The following KIAA0825 variants were observed in gnomAD, a reference collection of about 807,000 sequenced individuals.
KIAA0825 encodes the protein uncharacterized protein KIAA0825.
KIAA0825 carries 119 observed loss-of-function variants against 147.6 expected under a neutral mutation model. That is an observed-to-expected ratio of 0.81 (90% CI 0.69 to 0.94). The LOEUF (loss-of-function observed/expected upper bound fraction) is 0.94. Among genes scored for constraint, KIAA0825 ranks in the 40% least tolerant of loss-of-function variants. The probability of loss-of-function intolerance (pLI) is 0.00; values close to 1 mark genes in which losing one functional copy is unlikely to be tolerated. For synonymous variants in KIAA0825, 470 were observed against 518.1 expected (o/e 0.91, Z 1.26); for missense variants, 1,381 against 1,472.7 (o/e 0.94, Z 1.02).
At chr5:94,517,750 A>G (rs968579442) in intron 5 of KIAA0825, among the ~76,000 whole-genome samples, 1 of 149,998 alleles carries the variant, frequency 6.7e-6, no homozygotes, top group African/African-American at 2.5e-5. Context: ...AATTATTTAA[A>G]TAGTTTGGAG....
Position 94,216,453 on chromosome 5 carries a change from T to C in KIAA0825, c.3711-62329A>G, listed in dbSNP as rs1347227592. ...TGGAATGGAAGGTAGGTTTAATTGC[T>C]GCCATTGGGCTTTTTTACCTGATTT... On this transcript the variant is annotated intron_variant, in intron 20 of 20. Coordinates refer to ENST00000682413, the MANE Select transcript of KIAA0825 (RefSeq NM_001145678.3). Among the ~76,000 whole-genome samples, 6 of 152,292 alleles carry C rather than the reference T, an allele frequency of 3.9e-5. No individual in the cohort carries two copies. The East Asian group carries it at 1.2e-3, about 29-fold the overall frequency.
intron 20 of KIAA0825, among the ~76,000 whole-genome samples, chr5:94,232,880 G>T (rs1774812712): frequency 6.6e-6 from 1 of 152,038 alleles, no homozygotes; most frequent in African/African-American, 2.4e-5. Flanking sequence ...AAAAGTACAA[G>T]ATTTTTTCCC....
intron 20 of KIAA0825, among the ~76,000 whole-genome samples, chr5:94,177,877 T>C (rs1191159289): frequency 6.6e-6 from 1 of 152,032 alleles, no homozygotes; most frequent in African/African-American, 2.4e-5. Flanking sequence ...AGACAGTAAA[T>C]ATGACAATTA....
At chr5:94,578,070 G>C (rs1281228704) in intron 2 of KIAA0825, among the ~76,000 whole-genome samples, 1 of 152,134 alleles carries the variant, frequency 6.6e-6, no homozygotes, top group East Asian at 1.9e-4. Context: ...TTTGTGGTTT[G>C]GACTCTTAAC....
intron 20 of KIAA0825, among the ~76,000 whole-genome samples, chr5:94,273,019 T>C (rs1206910365): frequency 6.6e-6 from 1 of 152,198 alleles, no homozygotes; most frequent in Non-Finnish European, 1.5e-5. Context: ...TTCTTAAATA[T>C]TGTCCTATAT....
At position 94,267,438 on chromosome 5, in the gene KIAA0825, C is replaced by A. The variant is rs548332389; in HGVS notation, c.3711-113314G>T. Among the ~76,000 whole-genome samples the A allele has an allele frequency of 1.1e-3, 173 of 152,252 alleles. 4 individuals carry two copies. The South Asian group carries it at 0.027, about 24-fold the overall frequency. ...TGCTTTCCTTCCATCAGGCATATAG[C>A]CTTGAGCACAAGGTTCAAACCTTAA... is the stretch of plus-strand genomic sequence containing the variant. On this transcript the variant is annotated intron_variant, in intron 20 of 20. Coordinates refer to ENST00000682413, the MANE Select transcript of KIAA0825 (RefSeq NM_001145678.3).
chr5:94,491,525 G>A (rs1763730243), intron 5 of KIAA0825, among the ~76,000 whole-genome samples: 2 of 152,084 alleles, frequency 1.3e-5, no homozygotes, highest in Non-Finnish European at 2.9e-5. Flanking sequence ...AGAACAGAAC[G>A]CAAACACCAT....
At chr5:94,256,708 C>T (rs910158611) in intron 20 of KIAA0825, among the ~76,000 whole-genome samples, 10 of 152,132 alleles carry the variant, frequency 6.6e-5, no homozygotes, top group African/African-American at 7.2e-5. Context: ...ATGGCTTCTT[C>T]CTGCCAGATT....
At chr5:94,464,225 C>T (rs1157814036) in intron 11 of KIAA0825, among the ~76,000 whole-genome samples, 1 of 152,074 alleles carries the variant, frequency 6.6e-6, no homozygotes, top group Non-Finnish European at 1.5e-5. Context: ...CCACTGTAGT[C>T]ATGTAAGCAC....
Position 94,453,002 on chromosome 5 carries a change from A to G in KIAA0825, c.2314T>C (p.Tyr772His). The change falls in exon 13 of 21, where the codon TAT (tyrosine) becomes CAT (histidine). Residue 772 changes from tyrosine to histidine, a missense_variant. Transcript: ENST00000682413. ...AAATGTGATATGCAAGAAACCCAAT[A>G]TAATGGTTGCTTAAAAAATGATTTT... Reference protein sequence around the residue: ...SLKSFFKQPLYWVSCISHFYP... With the variant: ...SLKSFFKQPLHWVSCISHFYP... The G allele has an allele frequency of 3.3e-6, 5 of 1,533,388 alleles. No homozygotes were observed. The highest frequency in any genetic ancestry group is 4.4e-6 in the Non-Finnish European group (5 of 1,140,210). The allele number at this position is 1,533,388 out of a possible 1,614,324, so 95.0% of individuals were successfully genotyped here. A position where few individuals can be genotyped will look rare whatever the true frequency, so the allele number is the denominator to read the frequency against.
intron 2 of KIAA0825, chr5:94,569,834 G>A (rs534572273): frequency 6.7e-5 from 12 of 179,984 alleles, no homozygotes; most frequent in African/African-American, 1.9e-4. Context: ...CCTACACATC[G>A]GCCGAGGCTT....
chr5:94,177,604 T>C (rs942160789), intron 20 of KIAA0825, among the ~76,000 whole-genome samples: 6 of 152,018 alleles, frequency 3.9e-5, no homozygotes, highest in African/African-American at 1.4e-4. Context: ...AGAAAAATCA[T>C]AATGCAGGAC....
chr5:94,411,946 C>CAA (rs141919892), intron 15 of KIAA0825, among the ~76,000 whole-genome samples: 25 of 139,128 alleles, frequency 1.8e-4, no homozygotes, highest in African/African-American at 6.0e-4. Flanking sequence ...GACTTCGTCT[C>CAA]AAAAAAAAAA....
At chr5:94,244,199 C>G (rs528010108) in intron 20 of KIAA0825, among the ~76,000 whole-genome samples, 1 of 152,166 alleles carries the variant, frequency 6.6e-6, no homozygotes, top group Non-Finnish European at 1.5e-5. Flanking sequence ...TTTCCTTCTT[C>G]GTAAACTATA....
intron 20 of KIAA0825, among the ~76,000 whole-genome samples, chr5:94,380,142 C>T (rs1748193130): frequency 1.3e-5 from 2 of 152,070 alleles, no homozygotes; most frequent in South Asian, 2.1e-4. Context: ...CGTGAGCCAC[C>T]GTGCCTGGCC....
intron 5 of KIAA0825, among the ~76,000 whole-genome samples, chr5:94,487,670 C>G (rs978068432): frequency 6.6e-6 from 1 of 152,134 alleles, no homozygotes; most frequent in African/African-American, 2.4e-5. Flanking sequence ...ATCTCCTTTC[C>G]GCATTTTTCA....
intron 11 of KIAA0825, among the ~76,000 whole-genome samples, chr5:94,463,834 A>T (rs1342213349): frequency 1.3e-5 from 2 of 152,026 alleles, no homozygotes; most frequent in Admixed American, 6.6e-5. Flanking sequence ...TTGCCATTTC[A>T]TAATCAAAAG....
intron 3 of KIAA0825, among the ~76,000 whole-genome samples, chr5:94,530,351 T>C (rs1770542745): frequency 6.6e-6 from 1 of 151,700 alleles, no homozygotes; most frequent in African/African-American, 2.4e-5. Context: ...AGTTTCACTA[T>C]GTTGTCCAGG....
chr5:94,306,862 T>C (rs1006090454), intron 20 of KIAA0825, among the ~76,000 whole-genome samples: 1 of 151,788 alleles, frequency 6.6e-6, no homozygotes, highest in Non-Finnish European at 1.5e-5. Flanking sequence ...GAACACATGA[T>C]AGTCATCATT....
Sources: gnomAD v4.1 joint callset for allele counts (sites outside exome capture counted in the v4.1 genomes callset) on GRCh38, gnomAD v4.1.1 for gene constraint, MANE v1.5 for transcripts, NCBI Gene and HGNC (gene_info 2026-07-23, HGNC 2026-07-21) for gene names.